The following ADAMTS3 variants were observed in gnomAD, a reference collection of about 807,000 sequenced individuals.
ADAMTS3 encodes the protein A disintegrin and metalloproteinase with thrombospondin motifs 3.
Under a neutral mutation model 129.0 loss-of-function variants are expected in ADAMTS3, and 73 were observed. That is an observed-to-expected ratio of 0.57 (90% CI 0.47 to 0.69). The LOEUF (loss-of-function observed/expected upper bound fraction) is 0.69, where lower values mean the gene tolerates loss of function less well. Ranked by LOEUF, ADAMTS3 falls within the 30% of genes least tolerant of loss-of-function variation. ADAMTS3 has a pLI of 0.00. For synonymous variants in ADAMTS3, 477 were observed against 510.8 expected (o/e 0.93, Z 0.89); for missense variants, 1,457 against 1,514.5 (o/e 0.96, Z 0.63).
At chr4:72,434,136 C>A (rs138590022) in intron 3 of ADAMTS3, among the ~76,000 whole-genome samples, 1 of 151,804 alleles carries the variant, frequency 6.6e-6, no homozygotes, top group Non-Finnish European at 1.5e-5. Context: ...GATCTGCACC[C>A]TGAGATTCAC....
rs925670141 is a variant in ADAMTS3 at position 72,282,715 on chromosome 4, T to C, written c.*421A>G. ...TATTTCTAATATAGATAAATAGGAATACAAGTCTAAGAATTCTTTGTTCCA... is the reference window on the plus strand; with the variant it reads ...TATTTCTAATATAGATAAATAGGAACACAAGTCTAAGAATTCTTTGTTCCA... On this transcript the variant is annotated 3_prime_UTR_variant, in exon 22 of 22. Transcript: ENST00000286657. The C allele has an allele frequency of 6.4e-6, 1 of 155,490 alleles. No homozygotes were observed. Among genetic ancestry groups the C allele is most frequent in the Non-Finnish European group, 1.4e-5 (1 of 70,104 alleles). The allele number at this position is 155,490 out of a possible 1,614,324, so 9.6% of individuals were successfully genotyped here.
intron 3 of ADAMTS3, among the ~76,000 whole-genome samples, chr4:72,477,681 T>C (rs1719280591): frequency 6.6e-6 from 1 of 151,450 alleles, no homozygotes; most frequent in Admixed American, 6.6e-5. Context: ...AGGCAAGAAA[T>C]AACTAAAATC....
At chr4:72,556,389 C>A (rs571203970) in intron 2 of ADAMTS3, among the ~76,000 whole-genome samples, 5 of 151,832 alleles carry the variant, frequency 3.3e-5, no homozygotes, top group Admixed American at 1.3e-4. Context: ...ACCAGATGTC[C>A]CCAATACATT....
intron 3 of ADAMTS3, among the ~76,000 whole-genome samples, chr4:72,459,922 A>G (rs1232160624): frequency 6.6e-6 from 1 of 151,622 alleles, no homozygotes; most frequent in Non-Finnish European, 1.5e-5. Context: ...CAATTTTTAA[A>G]TAATTTTGTA....
At chr4:72,464,885 A>G (rs1412770961) in intron 3 of ADAMTS3, among the ~76,000 whole-genome samples, 2 of 152,016 alleles carry the variant, frequency 1.3e-5, no homozygotes, top group African/African-American at 4.8e-5. Context: ...TCAAGCATTC[A>G]CAATCACAAG....
At chr4:72,553,707 G>A (rs748420363) in intron 2 of ADAMTS3, among the ~76,000 whole-genome samples, 47 of 152,018 alleles carry the variant, frequency 3.1e-4, no homozygotes, top group Non-Finnish European at 1.2e-4. Flanking sequence ...TCCTCATTCT[G>A]CTTCCTGGAA....
At chr4:72,357,159 G>C (rs1363941033) in intron 4 of ADAMTS3, among the ~76,000 whole-genome samples, 1 of 151,898 alleles carries the variant, frequency 6.6e-6, no homozygotes, top group Non-Finnish European at 1.5e-5. Context: ...TTTTCATACA[G>C]TGCAGGTGTG....
chr4:72,522,413 A>C (rs2109744514), intron 3 of ADAMTS3, among the ~76,000 whole-genome samples: 1 of 152,304 alleles, frequency 6.6e-6, no homozygotes, highest in South Asian at 2.1e-4. Flanking sequence ...ATGAAATAGC[A>C]CCCACTACAT....
intron 3 of ADAMTS3, among the ~76,000 whole-genome samples, chr4:72,455,445 A>G (rs974026721): frequency 1.1e-4 from 17 of 151,344 alleles, no homozygotes; most frequent in African/African-American, 4.1e-4. Context: ...GGACACAGGG[A>G]GGGGAACATC....
intron 4 of ADAMTS3, among the ~76,000 whole-genome samples, chr4:72,369,473 G>A (rs1720950396): frequency 1.3e-5 from 2 of 152,142 alleles, no homozygotes; most frequent in Admixed American, 6.5e-5. Context: ...CACCTTGAGA[G>A]GCCGAGGTGG....
intron 3 of ADAMTS3, among the ~76,000 whole-genome samples, chr4:72,435,246 A>G (rs758913172): frequency 5.3e-5 from 8 of 151,838 alleles, no homozygotes; most frequent in Non-Finnish European, 1.2e-4. Flanking sequence ...TTAGCTGGGA[A>G]TATGTGCCTT....
chr4:72,325,390 A>T (rs1719673278), intron 5 of ADAMTS3, among the ~76,000 whole-genome samples: 1 of 152,164 alleles, frequency 6.6e-6, no homozygotes, highest in Non-Finnish European at 1.5e-5. Context: ...TTATCTGATA[A>T]CATATTCCTA....
intron 3 of ADAMTS3, among the ~76,000 whole-genome samples, chr4:72,498,834 A>C (rs1460450019): frequency 6.6e-6 from 1 of 152,094 alleles, no homozygotes; most frequent in East Asian, 1.9e-4. Context: ...AGAGTGGTTC[A>C]GAAGTAAATA....
intron 4 of ADAMTS3, among the ~76,000 whole-genome samples, chr4:72,397,562 T>TACACACACACACACACACAC (rs35076637): frequency 2.5e-3 from 369 of 147,576 alleles, no homozygotes; most frequent in Non-Finnish European, 4.0e-3. Context: ...GAGACTCTAT[T>TACACACACACACACACACAC]ACACACACAC....
intron 3 of ADAMTS3, among the ~76,000 whole-genome samples, chr4:72,490,191 A>G (rs1359498255): frequency 2.0e-5 from 3 of 151,710 alleles, no homozygotes; most frequent in Non-Finnish European, 1.5e-5. Context: ...ATCTTTGCCC[A>G]TTTTTCAAAT....
chr4:72,360,334 C>T (rs1222696087), intron 4 of ADAMTS3, among the ~76,000 whole-genome samples: 3 of 152,024 alleles, frequency 2.0e-5, no homozygotes, highest in Admixed American at 6.6e-5. Context: ...CACAAATTCT[C>T]GACCTGAATG....
intron 3 of ADAMTS3, among the ~76,000 whole-genome samples, chr4:72,487,941 C>T (rs888680295): frequency 6.6e-6 from 1 of 151,734 alleles, no homozygotes; most frequent in Non-Finnish European, 1.5e-5. Context: ...AAAAAATAGC[C>T]CTTTTCTTAT....
At chr4:72,456,542 GA>G (rs1718624945) in intron 3 of ADAMTS3, among the ~76,000 whole-genome samples, 1 of 150,394 alleles carries the variant, frequency 6.6e-6, no homozygotes, top group African/African-American at 2.4e-5. Context: ...CAGCATCTGT[GA>G]ATGAGCTGTT....
intron 4 of ADAMTS3, among the ~76,000 whole-genome samples, chr4:72,373,789 A>G (rs1721071182): frequency 1.3e-5 from 2 of 151,770 alleles, no homozygotes; most frequent in South Asian, 2.1e-4. Context: ...CATGGCAGCT[A>G]TTTGGGAGGC....
Sources: gnomAD v4.1 joint callset for allele counts (sites outside exome capture counted in the v4.1 genomes callset) on GRCh38, gnomAD v4.1.1 for gene constraint, MANE v1.5 for transcripts, NCBI Gene and HGNC (gene_info 2026-07-23, HGNC 2026-07-21) for gene names.